RNPC3: variants seen among roughly 807,000 people sequenced by gnomAD.
RNPC3 encodes the protein RNA binding region (RNP1, RRM) containing 3.
A neutral mutation model predicts 67.5 loss-of-function variants in RNPC3; 48 were observed. That is an observed-to-expected ratio of 0.71 (90% confidence interval 0.56 to 0.90). RNPC3 has a LOEUF of 0.90. RNPC3 is among the 40% of genes least tolerant of loss of function. The pLI is 0.00. For missense variants in RNPC3, 637 were observed against 626.1 expected, an observed-to-expected ratio of 1.02 and a Z score of -0.19; for synonymous variants, 239 against 210.3, an observed-to-expected ratio of 1.14 and a Z score of -1.18.
intron 11 of RNPC3, 33 bp downstream of exon 11, chr1:103,546,375 GA>G: frequency 8.9e-7 from 1 of 1,119,566 alleles, no homozygotes; most frequent in African/African-American, 1.6e-5. Context: ...TCATGTAAAT[GA>G]AAATAATTTG....
At chr1:103,548,507 G>A (rs751034622) in intron 12 of RNPC3, among the ~76,000 whole-genome samples, 8 of 152,064 alleles carry the variant, frequency 5.3e-5, no homozygotes, top group Non-Finnish European at 8.8e-5. Context: ...AACAAGAGTC[G>A]CCTTTGCTCC....
In RNPC3 at chr1:103,537,328, A is replaced by T. The variant is rs1464927311; in HGVS notation, c.625-14A>T. On this transcript the variant is annotated splice_polypyrimidine_tract_variant and intron_variant, in intron 6 of 14. Coordinates refer to ENST00000423855, the MANE Select transcript of RNPC3 (RefSeq NM_017619.4). The stretch of plus-strand genomic sequence containing the variant: ...TGGACTGCCATAGTATTTTTGTTTT[A>T]TTCTTTTAATTAGTATGAAGACTAT... The T allele has an allele frequency of 2.0e-6, 3 of 1,511,522 alleles. No individual in the cohort carries two copies. The highest frequency in any genetic ancestry group is 2.1e-5 in the Admixed American group (1 of 46,818). The allele number at this position is 1,511,522 out of a possible 1,614,324, so 93.6% of individuals were successfully genotyped here. A position where few individuals can be genotyped will look rare whatever the true frequency, so the allele number is the denominator to read the frequency against.
intron 12 of RNPC3, among the ~76,000 whole-genome samples, chr1:103,549,001 G>A (rs900513858): frequency 7.2e-5 from 11 of 152,098 alleles, no homozygotes; most frequent in African/African-American, 2.7e-4. Flanking sequence ...TGAGACTCAT[G>A]TACTATCATG....
At chr1:103,546,599 C>G in intron 11 of RNPC3, 1 of 327,180 alleles carries the variant, frequency 3.1e-6, no homozygotes, top group Non-Finnish European at 5.5e-6. Flanking sequence ...GTGGCTGAAA[C>G]AACAGAGATG....
At chr1:103,541,302 A>G (rs1219270942) in intron 7 of RNPC3, 48 bp from the exon 8 acceptor site, 5 of 1,388,656 alleles carry the variant, frequency 3.6e-6, no homozygotes, top group East Asian at 2.8e-5. Context: ...GTAAATAGCT[A>G]TGCTTCTAGA....
chr1:103,527,629 A>T (rs1434260769), intron 1 of RNPC3, 66 bp from the exon 2 acceptor site: 13 of 1,246,928 alleles, frequency 1.0e-5, no homozygotes, highest in Non-Finnish European at 1.5e-5. Flanking sequence ...ACTGGTAAAA[A>T]GTCAGATTTC....
At chr1:103,542,435 G>C (rs1251551421) in intron 8 of RNPC3, among the ~76,000 whole-genome samples, 1 of 151,944 alleles carries the variant, frequency 6.6e-6, no homozygotes, top group Non-Finnish European at 1.5e-5. Context: ...TTAGGCGATG[G>C]AGTTTGAATT....
chr1:103,546,346 G>A lies in RNPC3; in HGVS notation c.1302+4G>A. On this transcript the variant is annotated splice_donor_region_variant and intron_variant, in intron 11 of 14. Transcript: ENST00000423855. Reference sequence around the variant, plus strand: ...AGCTAAACATGTTCAAGAAAAGGTAGGTATAAATTGATTTTTTTTCATGTA... The same window carrying A: ...AGCTAAACATGTTCAAGAAAAGGTAAGTATAAATTGATTTTTTTTCATGTA... 7.5e-7 allele frequency: 1 copy of A among 1,338,086 alleles called. No homozygotes were observed. 82.9% of individuals were successfully genotyped at this position (1,338,086 alleles called of 1,614,324 possible). A position where few individuals can be genotyped will look rare whatever the true frequency, so the allele number is the denominator to read the frequency against.
intron 14 of RNPC3, 77 bp from the exon 15 acceptor site, chr1:103,554,957 G>A (rs557139183): frequency 6.6e-6 from 1 of 151,866 alleles, no homozygotes; most frequent in African/African-American, 2.4e-5. Context: ...AATATAAATG[G>A]TTCAGCTCTT....
At chr1:103,527,778 G>C (rs1386770479) in intron 2 of RNPC3, 36 bp downstream of exon 2, 3 of 1,424,176 alleles carry the variant, frequency 2.1e-6, no homozygotes, top group East Asian at 5.0e-5. Context: ...GTTGTCAACA[G>C]GATCCTCTTA....
intron 12 of RNPC3, among the ~76,000 whole-genome samples, chr1:103,549,579 C>T (rs1357005576): frequency 6.6e-6 from 1 of 152,104 alleles, no homozygotes; most frequent in Non-Finnish European, 1.5e-5. Flanking sequence ...TTGGTAGTCT[C>T]ATAGACTAAA....
chr1:103,526,002 C>G lies in RNPC3; in HGVS notation c.-69C>G. 1.6e-6 allele frequency: 2 copies of G among 1,244,068 alleles called. No individual in the cohort carries two copies. The highest frequency in any genetic ancestry group is 5.3e-5 in the East Asian group (2 of 37,854). 77.1% of individuals were successfully genotyped at this position (1,244,068 alleles called of 1,614,324 possible). On this transcript the variant is annotated 5_prime_UTR_variant, in exon 1 of 15. Coordinates refer to ENST00000423855, the MANE Select transcript of RNPC3 (RefSeq NM_017619.4). ...GAGGCGGAAAAAATATTTCTCCCAG[C>G]TTGTGTTGATGCCGCGATTTTGACT...
At chr1:103,554,965 C>T (rs1467312416) in intron 14 of RNPC3, 69 bp from the exon 15 acceptor site, 1 of 152,066 alleles carries the variant, frequency 6.6e-6, no homozygotes, top group Non-Finnish European at 1.5e-5. Context: ...TGGTTCAGCT[C>T]TTAGTTATTT....
intron 5 of RNPC3, 138 bp downstream of exon 5, chr1:103,535,579 T>G (rs1650964468): frequency 3.6e-6 from 2 of 555,946 alleles, no homozygotes; most frequent in Admixed American, 3.5e-5. Context: ...TTAAATATTT[T>G]CTACTTCCAA....
At chr1:103,536,669 G>A (rs539931507) in intron 6 of RNPC3, among the ~76,000 whole-genome samples, 4 of 152,048 alleles carry the variant, frequency 2.6e-5, no homozygotes, top group Non-Finnish European at 5.9e-5. Context: ...ATGAATAATA[G>A]CAATGCAAAA....
At chr1:103,546,948 T>A in intron 11 of RNPC3, 29 bp from the exon 12 acceptor site, 2 of 1,193,660 alleles carry the variant, frequency 1.7e-6, no homozygotes, top group Non-Finnish European at 2.3e-6. Flanking sequence ...CTGGCTTTGT[T>A]ATTTGTCTTT....
intron 2 of RNPC3, among the ~76,000 whole-genome samples, chr1:103,528,768 A>G (rs141596826): frequency 1.3e-5 from 2 of 152,326 alleles, no homozygotes; most frequent in East Asian, 1.9e-4. Flanking sequence ...AAAGGATAAT[A>G]AGCTAGGAGA....
chr1:103,547,029 G>A lies in RNPC3; in HGVS notation c.1355G>A (p.Arg452Gln), dbSNP rs991529858. The A allele has an allele frequency of 5.8e-5, 87 of 1,488,264 alleles. No homozygotes were observed. In the East Asian group the frequency reaches 8.6e-4, roughly 15 times the overall value. The allele number at this position is 1,488,264 out of a possible 1,614,324, so 92.2% of individuals were successfully genotyped here. ...RYVDFSSETQRIMFDIRLMKE... is the reference protein window; with the variant it reads ...RYVDFSSETQQIMFDIRLMKE... ...GTTGACTTTTCATCAGAAACACAGC[G>A]GATCATGTAAGTGACAGTAAAATAC... is the stretch of plus-strand genomic sequence containing the variant. The change falls in exon 12 of 15, where the codon CGG becomes CAG. Residue 452 changes from arginine to glutamine, a missense_variant. This residue lies in a region of RNPC3 where 96 missense variants were observed against 105.8 expected (regional missense o/e 0.91). Transcript: ENST00000423855.
chr1:103,535,978 C>T, intron 5 of RNPC3, 148 bp from the exon 6 acceptor site: 1 of 595,040 alleles, frequency 1.7e-6, no homozygotes, highest in East Asian at 2.8e-5. Context: ...CCTTGTTTTA[C>T]CTTATGCAGA....
Sources: allele counts gnomAD v4.1 joint callset (sites outside exome capture counted in the v4.1 genomes callset), GRCh38; gene constraint gnomAD v4.1.1; regional missense constraint gnomAD v4.1.1; transcripts MANE v1.5; gene names NCBI Gene and HGNC (gene_info 2026-07-23, HGNC 2026-07-21).